The following NUGGC variants were observed in gnomAD, a reference collection of about 807,000 sequenced individuals.
The protein encoded by NUGGC is nuclear GTPase SLIP-GC.
In NUGGC, 58 loss-of-function variants were observed where a neutral mutation model predicts 92.6. That is an observed-to-expected ratio of 0.63 (90% CI 0.51 to 0.78). NUGGC has a LOEUF of 0.78. Among genes scored for constraint, NUGGC ranks in the 30% least tolerant of loss-of-function variants. NUGGC has a pLI of 0.00. For synonymous variants in NUGGC, 376 were observed against 366.4 expected (o/e 1.03, Z -0.30); for missense variants, 925 against 964.6 (o/e 0.96, Z 0.54).
intron 9 of NUGGC, 148 bp downstream of exon 9, chr8:28,058,110 T>G (rs1810195467): frequency 1.1e-5 from 2 of 178,576 alleles, no homozygotes; most frequent in Admixed American, 6.4e-5. Flanking sequence ...GAGAATTGCT[T>G]GAACCTGGGA....
At chr8:28,049,591 A>G (rs185112908) in intron 10 of NUGGC, among the ~76,000 whole-genome samples, 342 of 152,322 alleles carry the variant, frequency 2.2e-3, no homozygotes, top group African/African-American at 7.8e-3. Context: ...AAGGGTTCAT[A>G]TTATTGTAAA....
intron 5 of NUGGC, 144 bp from the exon 6 acceptor site, chr8:28,067,888 G>T: frequency 3.0e-6 from 2 of 675,976 alleles, no homozygotes; most frequent in Non-Finnish European, 5.0e-6. Flanking sequence ...CTCGAAGAGG[G>T]GAATGGCTTG....
intron 2 of NUGGC, among the ~76,000 whole-genome samples, chr8:28,073,748 G>T (rs1810649438): frequency 6.6e-6 from 1 of 152,082 alleles, no homozygotes; most frequent in Non-Finnish European, 1.5e-5. Flanking sequence ...CATTCCAGGG[G>T]TCTTGTAAGA....
At chr8:28,069,241 A>C (rs1810524053) in intron 4 of NUGGC, among the ~76,000 whole-genome samples, 1 of 152,132 alleles carries the variant, frequency 6.6e-6, no homozygotes, top group African/African-American at 2.4e-5. Flanking sequence ...TACTGGTGTG[A>C]GTTTGTTCAC....
At chr8:28,042,955 A>G (rs944005978) in intron 12 of NUGGC, among the ~76,000 whole-genome samples, 1 of 152,244 alleles carries the variant, frequency 6.6e-6, no homozygotes, top group African/African-American at 2.4e-5. Flanking sequence ...AAATGCTGTG[A>G]ATCTTGGAGT....
chr8:28,060,489 A>T lies in NUGGC; in HGVS notation c.1034T>A (p.Phe345Tyr). Residue 345 changes from phenylalanine to tyrosine, a missense_variant, in exon 8 of 19, where the codon TTC (phenylalanine) becomes TAC (tyrosine). Phe to Tyr is a conservative substitution (Grantham distance 22). Transcript: ENST00000413272. ...GACCACCAGGGCCACGTCCCTACAG[A>T]AGCCCCGCTGGCAGGCTTTGATGCT... ...NESIKACQRGFCRDVALVVTK... is the reference protein window; with the variant it reads ...NESIKACQRGYCRDVALVVTK... The T allele has an allele frequency of 6.2e-7, 1 of 1,613,836 alleles. No homozygotes were observed. The highest frequency in any genetic ancestry group is 8.5e-7 in the Non-Finnish European group (1 of 1,179,856).
chr8:28,030,588 G>A (rs1454876618), intron 15 of NUGGC, among the ~76,000 whole-genome samples, 170 bp from the exon 16 acceptor site: 1 of 152,200 alleles, frequency 6.6e-6, no homozygotes, highest in East Asian at 1.9e-4. Context: ...CAGGAACTCT[G>A]TTCTAAGCAT....
At chr8:28,054,544 A>G (rs1015919876) in intron 10 of NUGGC, among the ~76,000 whole-genome samples, 1 of 152,192 alleles carries the variant, frequency 6.6e-6, no homozygotes, top group African/African-American at 2.4e-5. Context: ...TACCTACTTT[A>G]GTGATAAAAT....
At chr8:28,040,752 T>C (rs1809674335) in intron 13 of NUGGC, among the ~76,000 whole-genome samples, 1 of 151,792 alleles carries the variant, frequency 6.6e-6, no homozygotes, top group Non-Finnish European at 1.5e-5. Context: ...GTTCAAGCAA[T>C]TCTCCTGCCT....
At chr8:28,032,970 G>T (rs1336555539) in intron 14 of NUGGC, among the ~76,000 whole-genome samples, 1 of 151,702 alleles carries the variant, frequency 6.6e-6, no homozygotes, top group Non-Finnish European at 1.5e-5. Context: ...GACCAAACTG[G>T]TCAACACAGC....
At chr8:28,036,802 A>G (rs1202685111) in intron 13 of NUGGC, among the ~76,000 whole-genome samples, 1 of 152,116 alleles carries the variant, frequency 6.6e-6, no homozygotes, top group African/African-American at 2.4e-5. Context: ...AGATCTTGCC[A>G]TGTCTCATCT....
At chr8:28,027,188 G>C (rs747550610) in intron 17 of NUGGC, 136 bp from the exon 18 acceptor site, 1 of 675,594 alleles carries the variant, frequency 1.5e-6, no homozygotes, top group Non-Finnish European at 2.6e-6. Context: ...TTGCAACCCA[G>C]TTGCAAAACG....
chr8:28,039,423 G>C (rs1809637448), intron 13 of NUGGC, among the ~76,000 whole-genome samples: 1 of 151,934 alleles, frequency 6.6e-6, no homozygotes, highest in Non-Finnish European at 1.5e-5. Context: ...GTAGAGACTG[G>C]GTTTCACCAT....
chr8:28,044,903 C>T (rs1809791682), intron 12 of NUGGC, among the ~76,000 whole-genome samples: 1 of 152,220 alleles, frequency 6.6e-6, no homozygotes, highest in South Asian at 2.1e-4. Context: ...CCCCAAGTCT[C>T]TAATCTAGCA....
At chr8:28,050,679 C>T (rs939688275) in intron 10 of NUGGC, among the ~76,000 whole-genome samples, 4 of 151,154 alleles carry the variant, frequency 2.6e-5, no homozygotes, top group Admixed American at 6.6e-5. Flanking sequence ...GTTGTGGTGG[C>T]GCATGCCTGT....
intron 1 of NUGGC, among the ~76,000 whole-genome samples, chr8:28,074,720 C>T (rs1258682057): frequency 2.0e-5 from 3 of 152,208 alleles, no homozygotes; most frequent in African/African-American, 7.2e-5. Context: ...GGGAGGATCA[C>T]TTGAGGTCAG....
chr8:28,050,500 A>G (rs577977502), intron 10 of NUGGC, among the ~76,000 whole-genome samples: 7 of 152,260 alleles, frequency 4.6e-5, no homozygotes, highest in Non-Finnish European at 1.0e-4. Context: ...TTGGAGTTAC[A>G]CTGAAACCAG....
rs572204120 is a variant in NUGGC, at chr8:28,067,691, C to G, written c.534G>C (p.Glu178Asp). The part of the protein sequence containing the change: ...NLTKLLHRTE[E>D]LSREEADAWN... Reference sequence around the variant, plus strand: ...ACGCATCTGCCTCTTCTCTGCTCAGCTCCTCCGTCCTATGCAGGAGTTTGG... The same window carrying G: ...ACGCATCTGCCTCTTCTCTGCTCAGGTCCTCCGTCCTATGCAGGAGTTTGG... The change falls in exon 6 of 19, where the codon GAG (glutamate) becomes GAC (aspartate). Residue 178 changes from glutamate (E) to aspartate (D), a missense_variant. By Grantham distance (45) the Glu-to-Asp change is conservative (BLOSUM62 2). Transcript: ENST00000413272. 1 of 1,614,012 alleles carries G rather than the reference C, an allele frequency of 6.2e-7. No individual in the cohort carries two copies.
At chr8:28,030,445 T>A (rs755364340) in intron 15 of NUGGC, 27 bp from the exon 16 acceptor site, 2 of 1,242,880 alleles carry the variant, frequency 1.6e-6, no homozygotes, top group Non-Finnish European at 2.3e-6. Flanking sequence ...AAAGAGGCCG[T>A]TGGTGACAAT....
Sources: gnomAD v4.1 joint callset for allele counts (sites outside exome capture counted in the v4.1 genomes callset) on GRCh38, gnomAD v4.1.1 for gene constraint, MANE v1.5 for transcripts, NCBI Gene and HGNC (gene_info 2026-07-23, HGNC 2026-07-21) for gene names.